The following PTPRM variants were observed in gnomAD, a reference collection of about 807,000 sequenced individuals.
PTPRM encodes the protein protein tyrosine phosphatase receptor type M.
PTPRM carries 47 observed loss-of-function variants against 186.7 expected under a neutral mutation model. The ratio of observed to expected loss-of-function variants is 0.25; its 90% CI spans 0.20 to 0.32. The LOEUF (loss-of-function observed/expected upper bound fraction) is 0.32. Among genes scored for constraint, PTPRM ranks in the 10% least tolerant of loss-of-function variants. The pLI, the probability that PTPRM is intolerant of heterozygous loss-of-function variation, is 1.00. For missense variants in PTPRM, 1,494 were observed against 1,865.0 expected (o/e 0.80, Z 3.66); for synonymous variants, 668 against 674.9 (o/e 0.99, Z 0.16).
At chr18:7,727,517 G>A (rs2040574695) in intron 1 of PTPRM, among the ~76,000 whole-genome samples, 1 of 152,112 alleles carries the variant, frequency 6.6e-6, no homozygotes. Flanking sequence ...TTTCACAGCT[G>A]TATTTAGTAA....
At chr18:8,064,487 A>G (rs1245044461) in intron 7 of PTPRM, among the ~76,000 whole-genome samples, 3 of 152,204 alleles carry the variant, frequency 2.0e-5, no homozygotes, top group Non-Finnish European at 4.4e-5. Flanking sequence ...GAAGAAAAAC[A>G]GATTGTTTCC....
intron 14 of PTPRM, among the ~76,000 whole-genome samples, chr18:8,188,522 C>T (rs2093670748): frequency 6.6e-6 from 1 of 152,152 alleles, no homozygotes; most frequent in Admixed American, 6.5e-5. Flanking sequence ...CACACCGTGA[C>T]GAAACGCACA....
chr18:8,292,971 A>G (rs1220544169), intron 19 of PTPRM, among the ~76,000 whole-genome samples: 1 of 152,190 alleles, frequency 6.6e-6, no homozygotes, highest in African/African-American at 2.4e-5. Flanking sequence ...GAAAACACTG[A>G]CTTCGGATCT....
In PTPRM at chr18:8,244,169, G is replaced by T; in HGVS notation, c.2412G>T (p.Glu804Asp). ...CTGAGCAGGGCACAAACTGCGACGA[G>T]GCTTTCTCATTCATGGACACGCACA... ...SYAEQGTNCD[E>D]AFSFMDTHNL... The change falls in exon 15 of 33, where the codon GAG (glutamate) becomes GAT (aspartate). Residue 804 changes from glutamate (E) to aspartate (D), a missense_variant. Physicochemically the swap from Glu to Asp is conservative, Grantham distance 45 (BLOSUM62 2). Around this residue, in one of 3 missense-constraint regions of PTPRM, gnomAD observed 1,107 missense variants for 1,350.2 expected, o/e 0.82. Coordinates refer to ENST00000580170, the MANE Select transcript of PTPRM (RefSeq NM_001105244.2). 3.1e-6 allele frequency: 5 copies of T among 1,595,682 alleles called. No individual in the cohort carries two copies. The highest frequency in any genetic ancestry group is 4.3e-6 in the Non-Finnish European group (5 of 1,173,572).
intron 23 of PTPRM, among the ~76,000 whole-genome samples, chr18:8,359,464 G>A (rs944004351): frequency 1.3e-5 from 2 of 152,244 alleles, no homozygotes; most frequent in African/African-American, 2.4e-5. Flanking sequence ...ATAATTGGCT[G>A]ACCCTGGAAA....
chr18:7,652,877 C>T (rs933066783), intron 1 of PTPRM, among the ~76,000 whole-genome samples: 2 of 151,842 alleles, frequency 1.3e-5, no homozygotes, highest in Non-Finnish European at 2.9e-5. Context: ...ACATTGTGCA[C>T]ATGTACCCTA....
At chr18:8,326,692 C>T (rs973048020) in intron 22 of PTPRM, among the ~76,000 whole-genome samples, 1 of 152,026 alleles carries the variant, frequency 6.6e-6, no homozygotes, top group Non-Finnish European at 1.5e-5. Context: ...GAAAGGACTC[C>T]CCATTATTAA....
At chr18:7,817,014 G>A (rs922821909) in intron 2 of PTPRM, among the ~76,000 whole-genome samples, 12 of 144,916 alleles carry the variant, frequency 8.3e-5, no homozygotes, top group East Asian at 2.0e-4. Context: ...TCACTCTGGC[G>A]CCCAGGCTGG....
intron 2 of PTPRM, among the ~76,000 whole-genome samples, chr18:7,841,210 T>A (rs2046301967): frequency 6.6e-6 from 1 of 152,062 alleles, no homozygotes; most frequent in Non-Finnish European, 1.5e-5. Flanking sequence ...ATTGCTTCCT[T>A]ATAGGAATAG....
At chr18:7,895,270 G>A (rs927382209) in intron 3 of PTPRM, among the ~76,000 whole-genome samples, 3 of 152,164 alleles carry the variant, frequency 2.0e-5, no homozygotes, top group Non-Finnish European at 2.9e-5. Context: ...CTTAAGAAGC[G>A]GTGGCAGTTT....
intron 1 of PTPRM, among the ~76,000 whole-genome samples, chr18:7,753,805 G>A (rs1164532048): frequency 6.6e-6 from 1 of 151,886 alleles, no homozygotes; most frequent in Non-Finnish European, 1.5e-5. Flanking sequence ...AATGTTATTG[G>A]TGGAGTCATA....
chr18:8,402,383 G>C (rs1234886870), intron 32 of PTPRM, among the ~76,000 whole-genome samples: 1 of 152,296 alleles, frequency 6.6e-6, no homozygotes, highest in East Asian at 1.9e-4. Flanking sequence ...GGCAGCTTCG[G>C]TGACTTCCAA....
chr18:7,807,764 T>C (rs1012951593), intron 2 of PTPRM, among the ~76,000 whole-genome samples: 1 of 152,232 alleles, frequency 6.6e-6, no homozygotes, highest in Non-Finnish European at 1.5e-5. Context: ...GTCGTATTGC[T>C]GACGTTTATG....
chr18:8,101,782 C>T (rs189693372), intron 11 of PTPRM, among the ~76,000 whole-genome samples: 57 of 152,300 alleles, frequency 3.7e-4, no homozygotes, highest in African/African-American at 1.3e-3. Context: ...CTTGCCTCCT[C>T]CTGGGAGCTG....
intron 1 of PTPRM, among the ~76,000 whole-genome samples, chr18:7,760,858 C>T (rs922370754): frequency 6.6e-6 from 1 of 152,026 alleles, no homozygotes; most frequent in African/African-American, 2.4e-5. Context: ...AATCTACATT[C>T]TTTCCACCCT....
intron 5 of PTPRM, among the ~76,000 whole-genome samples, chr18:7,928,569 A>G (rs576606965): frequency 1.3e-5 from 2 of 152,322 alleles, no homozygotes; most frequent in East Asian, 3.9e-4. Flanking sequence ...TTAAAAATGA[A>G]ACTATTTGTT....
In PTPRM at chr18:8,204,718, T is replaced by C. The variant is rs370139154; in HGVS notation, c.2301-39340T>C. ...GGACTTGATACAGAAAATGACTGCA[T>C]TGAGAGCCCTTCTTCATAAGTAAGC... On this transcript the variant is annotated intron_variant, in intron 14 of 32. Transcript: ENST00000580170. Among the ~76,000 whole-genome samples, 102 of 152,128 alleles carry C rather than the reference T, an allele frequency of 6.7e-4. 2 individuals carry two copies. The South Asian group carries it at 0.02, about 30-fold the overall frequency.
At chr18:7,773,193 C>T (rs558595719) in intron 1 of PTPRM, among the ~76,000 whole-genome samples, 3 of 151,902 alleles carry the variant, frequency 2.0e-5, no homozygotes, top group African/African-American at 7.2e-5. Context: ...ATTTATTTTT[C>T]CCTTTAAAAC....
intron 11 of PTPRM, among the ~76,000 whole-genome samples, chr18:8,090,859 T>C (rs975561118): frequency 1.3e-5 from 2 of 152,182 alleles, no homozygotes; most frequent in African/African-American, 4.8e-5. Context: ...CCTCCCAAAG[T>C]GCAGGGATTA....
Sources: allele counts gnomAD v4.1 joint callset (sites outside exome capture counted in the v4.1 genomes callset), GRCh38; gene constraint gnomAD v4.1.1; regional missense constraint gnomAD v4.1.1; transcripts MANE v1.5; gene names NCBI Gene and HGNC (gene_info 2026-07-23, HGNC 2026-07-21).